Variants in NBEAL1 observed in about 807,000 individuals in gnomAD.
NBEAL1 encodes the protein neurobeachin like 1.
In NBEAL1, 273 loss-of-function variants were observed where a neutral mutation model predicts 351.3. That is an observed-to-expected ratio of 0.78 (90% confidence interval 0.70 to 0.86). The LOEUF (loss-of-function observed/expected upper bound fraction) is 0.86. NBEAL1 is among the 40% of genes least tolerant of loss of function. The pLI, the probability that NBEAL1 is intolerant of heterozygous loss-of-function variation, is 0.00. For synonymous variants in NBEAL1, 1,050 were observed against 1,086.4 expected (o/e 0.97, Z 0.66); for missense variants, 2,961 against 3,201.3 (o/e 0.92, Z 1.81).
Position 203,136,664 on chromosome 2 carries a change from A to G in NBEAL1, c.4455A>G (p.Leu1485=), listed in dbSNP as rs1462413519. ...HILNYVMCKG[L]EKSDDDTWIE... ...TGAATTATGTAATGTGTAAGGGACTAGAAAAGTCTGATGATGATACTTGGA... is the reference window on the plus strand; with the variant it reads ...TGAATTATGTAATGTGTAAGGGACTGGAAAAGTCTGATGATGATACTTGGA... The change falls in exon 29 of 56, where the codon CTA becomes CTG. Residue 1485 remains leucine (L), a synonymous_variant. Transcript: ENST00000683969. The G allele has an allele frequency of 1.2e-6, 2 of 1,613,620 alleles. No homozygotes were observed. Among genetic ancestry groups the G allele is most frequent in the Non-Finnish European group, 8.5e-7 (1 of 1,179,594 alleles).
At chr2:203,163,610 T>C (rs1476548634) in intron 36 of NBEAL1, among the ~76,000 whole-genome samples, 1 of 152,144 alleles carries the variant, frequency 6.6e-6, no homozygotes, top group African/African-American at 2.4e-5. Context: ...ATTTAGACTT[T>C]TTTCCACTAC....
At chr2:203,129,650 G>T (rs933512509) in intron 24 of NBEAL1, among the ~76,000 whole-genome samples, 1 of 152,022 alleles carries the variant, frequency 6.6e-6, no homozygotes, top group South Asian at 2.1e-4. Flanking sequence ...AGCTAATGGG[G>T]CAGGGGTCAA....
Position 203,193,893 on chromosome 2 carries a change from CAA to C in NBEAL1, c.7021_7022del (p.Lys2341ValfsTer8), listed in dbSNP as rs756914255. ...ACCTGTTTCAACACCTTCCTGAACT[CAA>C]GTCATTTTTTATAGAGGTAATATCC... The part of the protein sequence containing the change: ...LNLFQHLPEL[K>X]SFFIEGISDG... On this transcript the variant is annotated frameshift_variant, in exon 47 of 56. Coordinates refer to ENST00000683969, the MANE Select transcript of NBEAL1 (RefSeq NM_001378026.1). LOFTEE classifies it high-confidence loss of function. 1.2e-5 allele frequency: 19 copies of C among 1,605,874 alleles called. No individual in the cohort carries two copies. The highest frequency in any genetic ancestry group is 1.0e-4 in the Admixed American group (6 of 59,522).
chr2:203,024,441 G>A (rs1414470443), intron 2 of NBEAL1, among the ~76,000 whole-genome samples: 1 of 151,110 alleles, frequency 6.6e-6, no homozygotes, highest in Non-Finnish European at 1.5e-5. Flanking sequence ...ACCTGTAATC[G>A]CAGCTACTTA....
intron 52 of NBEAL1, 47 bp from the exon 53 acceptor site, chr2:203,209,114 G>A: frequency 2.0e-6 from 3 of 1,478,626 alleles, no homozygotes; most frequent in Non-Finnish European, 1.9e-6. Flanking sequence ...CTTTTTTGCT[G>A]TTCTTTTCCT....
At chr2:203,193,757 T>G in intron 46 of NBEAL1, 38 bp from the exon 47 acceptor site, 1 of 1,358,820 alleles carries the variant, frequency 7.4e-7, no homozygotes, top group Non-Finnish European at 1.0e-6. Flanking sequence ...ATTAATAACA[T>G]AGATATGGAA....
At chr2:203,137,876 C>T (rs993965543) in intron 29 of NBEAL1, among the ~76,000 whole-genome samples, 13 of 151,736 alleles carry the variant, frequency 8.6e-5, no homozygotes, top group African/African-American at 2.9e-4. Context: ...CCCAGCTTCT[C>T]GGGAGACTGA....
intron 29 of NBEAL1, among the ~76,000 whole-genome samples, chr2:203,137,760 G>T (rs2063252232): frequency 6.6e-6 from 1 of 152,060 alleles, no homozygotes. Flanking sequence ...AAGGCAGGTG[G>T]ATCACCTGAG....
Position 203,060,729 on chromosome 2 carries a change from TATA to T in NBEAL1, c.515+3281_515+3283del, listed in dbSNP as rs2061486214. Among the ~76,000 whole-genome samples the T allele has an allele frequency of 2.0e-5, 3 of 152,148 alleles. No homozygotes were observed. The South Asian group carries it at 6.2e-4, about 31-fold the overall frequency. On this transcript the variant is annotated intron_variant, in intron 6 of 55. Transcript: ENST00000683969. ...GAACCGCTGATAAGCAAAATATAATTATAATAACATTCCACTTACGTGCATTTG... is the reference window on the plus strand; with the variant it reads ...GAACCGCTGATAAGCAAAATATAATTATAACATTCCACTTACGTGCATTTG...
At chr2:203,082,719 A>G (rs2061894504) in intron 8 of NBEAL1, among the ~76,000 whole-genome samples, 1 of 152,188 alleles carries the variant, frequency 6.6e-6, no homozygotes, top group Non-Finnish European at 1.5e-5. Flanking sequence ...ATTTTGCCTA[A>G]GAAATCCAGG....
chr2:203,180,026 A>C (rs2064655234), intron 42 of NBEAL1, among the ~76,000 whole-genome samples: 1 of 152,198 alleles, frequency 6.6e-6, no homozygotes, highest in African/African-American at 2.4e-5. Context: ...CACCCACCTC[A>C]GCCTCCCAAA....
At chr2:203,084,187 A>C (rs1559354011) in intron 9 of NBEAL1, among the ~76,000 whole-genome samples, 1 of 152,182 alleles carries the variant, frequency 6.6e-6, no homozygotes, top group Non-Finnish European at 1.5e-5. Flanking sequence ...TTTTAGAAGT[A>C]AAACGTTTTC....
chr2:203,117,569 C>T (rs1028894022), intron 18 of NBEAL1, among the ~76,000 whole-genome samples: 1 of 152,174 alleles, frequency 6.6e-6, no homozygotes, highest in Non-Finnish European at 1.5e-5. Context: ...TTTTCTTCCT[C>T]CCAGTTCTTT....
At position 203,222,907 on chromosome 2, in the gene NBEAL1, C is replaced by A. The variant is rs1017143240; in HGVS notation, c.*5553C>A. On this transcript the variant is annotated 3_prime_UTR_variant, in exon 56 of 56. Transcript: ENST00000683969. The stretch of plus-strand genomic sequence containing the variant: ...TTTTTATAGGTATAACAGAGAAGAA[C>A]GCATTAACATTTAAGATGTTTAATT... Among the ~76,000 whole-genome samples, 16 of 152,060 alleles carry A rather than the reference C, an allele frequency of 1.1e-4. No individual in the cohort carries two copies. The highest frequency in any genetic ancestry group is 2.1e-4 in the Non-Finnish European group (14 of 67,992).
intron 51 of NBEAL1, among the ~76,000 whole-genome samples, chr2:203,206,567 C>T (rs968912918): frequency 2.1e-5 from 3 of 145,862 alleles, no homozygotes; most frequent in African/African-American, 7.5e-5. Context: ...AGGCGCGCGC[C>T]GCCACGCCTG....
intron 36 of NBEAL1, among the ~76,000 whole-genome samples, chr2:203,165,177 A>G (rs1168168423): frequency 6.6e-6 from 1 of 152,034 alleles, no homozygotes; most frequent in Non-Finnish European, 1.5e-5. Flanking sequence ...TCCTATTTCT[A>G]TACTTGGCAG....
Position 203,136,070 on chromosome 2 carries a change from G to A in NBEAL1, c.4207G>A (p.Asp1403Asn), listed in dbSNP as rs1381931937. Residue 1403 changes from aspartate (D) to asparagine (N), a missense_variant, in exon 28 of 56, where the codon GAC becomes AAC. Asp to Asn is a conservative substitution (Grantham distance 23). Transcript: ENST00000683969. ...TAGTAACCCTTCACATTTGAGTTTA[G>A]ACCTCAGTGGAATTGACTCATGTGA... ...WHSNPSHLSLDLSGIDSCEMS... is the reference protein window; with the variant it reads ...WHSNPSHLSLNLSGIDSCEMS... 2.5e-6 allele frequency: 4 copies of A among 1,613,794 alleles called. No individual in the cohort carries two copies. Among genetic ancestry groups the A allele is most frequent in the East Asian group, 2.2e-5 (1 of 44,870 alleles).
At position 203,202,745 on chromosome 2, in the gene NBEAL1, A is replaced by C. The variant is rs374236421; in HGVS notation, c.7470A>C (p.Arg2490Ser). The C allele has an allele frequency of 6.2e-7, 1 of 1,601,154 alleles. No homozygotes were observed. Among genetic ancestry groups the C allele is most frequent in the Non-Finnish European group, 8.6e-7 (1 of 1,168,682 alleles). ...GAATACATTTGATTTCTGGTTCCAG[A>C]GATACTACATGTATGATATGGCAAA... ...YCGIHLISGS[R>S]DTTCMIWQIT... is the part of the protein sequence containing the mutation. The change falls in exon 51 of 56, where the codon AGA (arginine) becomes AGC (serine). Residue 2490 changes from arginine to serine, a missense_variant. Transcript: ENST00000683969.
At chr2:203,111,884 A>C in intron 15 of NBEAL1, 95 bp from the exon 16 acceptor site, 1 of 1,322,882 alleles carries the variant, frequency 7.6e-7, no homozygotes, top group Non-Finnish European at 1.0e-6. Context: ...ACGTTCTACT[A>C]TTTGTACAAA....
Sources: gnomAD v4.1 joint callset for allele counts (sites outside exome capture counted in the v4.1 genomes callset) on GRCh38, gnomAD v4.1.1 for gene constraint, MANE v1.5 for transcripts, NCBI Gene and HGNC (gene_info 2026-07-23, HGNC 2026-07-21) for gene names.